Variants in HECTD4 observed in about 807,000 individuals in gnomAD.
The protein encoded by HECTD4 is HECT domain E3 ubiquitin protein ligase 4, also known as probable E3 ubiquitin-protein ligase HECTD4.
A neutral mutation model predicts 471.5 loss-of-function variants in HECTD4; 114 were observed. The ratio of observed to expected loss-of-function variants is 0.24; its 90% CI spans 0.21 to 0.28. HECTD4 has a LOEUF of 0.28. HECTD4 is among the 10% of genes least tolerant of loss of function. The pLI, the probability that HECTD4 is intolerant of heterozygous loss-of-function variation, is 1.00. For missense variants in HECTD4, 3,866 were observed against 5,651.5 expected, an observed-to-expected ratio of 0.68 and a Z score of 10.13; for synonymous variants, 2,012 against 2,256.0, an observed-to-expected ratio of 0.89 and a Z score of 3.07.
intron 13 of HECTD4, among the ~76,000 whole-genome samples, chr12:112,269,140 TG>T (rs1298496888): frequency 6.6e-6 from 1 of 152,090 alleles, no homozygotes; most frequent in African/African-American, 2.4e-5. Context: ...CCCAAAGTGC[TG>T]GGATTACAGG....
chr12:112,254,875 T>A (rs752592892), intron 21 of HECTD4, among the ~76,000 whole-genome samples: 1 of 152,200 alleles, frequency 6.6e-6, no homozygotes, highest in Non-Finnish European at 1.5e-5. Flanking sequence ...AAGACTTCCA[T>A]AGGAAAAATA....
chr12:112,165,553 GTGTTAGCCAGGA>G (rs1206807305), intron 72 of HECTD4, among the ~76,000 whole-genome samples: 72 of 151,642 alleles, frequency 4.7e-4, no homozygotes, highest in African/African-American at 1.6e-3. Context: ...GGGTTTCACT[GTGTTAGCCAGGA>G]TGGTCTCAAT....
intron 67 of HECTD4, among the ~76,000 whole-genome samples, chr12:112,171,833 G>A (rs2031233014): frequency 6.6e-6 from 1 of 152,236 alleles, no homozygotes; most frequent in Non-Finnish European, 1.5e-5. Context: ...TGGGACGAGT[G>A]TAATGAACTG....
intron 48 of HECTD4, among the ~76,000 whole-genome samples, chr12:112,215,169 A>C (rs968552899): frequency 1.3e-5 from 2 of 152,062 alleles, no homozygotes; most frequent in Admixed American, 6.5e-5. Context: ...ACAAACAAAC[A>C]AACAAAAAAC....
At position 112,256,339 on chromosome 12, in the gene HECTD4, G is replaced by A. The variant is rs1236272008; in HGVS notation, c.3308C>T (p.Ser1103Leu). 2 of 1,603,670 alleles carry A rather than the reference G, an allele frequency of 1.2e-6. No homozygotes were observed. Among genetic ancestry groups the A allele is most frequent in the Non-Finnish European group, 8.5e-7 (1 of 1,175,964 alleles). The change falls in exon 21 of 76, where the codon TCG (serine) becomes TTG (leucine). Residue 1103 changes from serine to leucine, a missense_variant. Physicochemically the swap from Ser to Leu is moderately radical, Grantham distance 145 (BLOSUM62 -2). This residue lies in a region of HECTD4 where 281 missense variants were observed against 499.9 expected (regional missense o/e 0.56). Coordinates refer to ENST00000682272, the MANE Select transcript of HECTD4 (RefSeq NM_001388303.1). ...ACTTACTTTGTCATAGTCATATTGC[G>A]AAGAGCATCTGCTATCAAATCTAAG... is the stretch of plus-strand genomic sequence containing the variant. ...LYLRFDSRCS[S>L]QYDYDKLVIY...
At chr12:112,225,620 C>CAAAAAAAAAAAAAAAAAAA (rs781152688) in intron 44 of HECTD4, among the ~76,000 whole-genome samples, 1 of 56,282 alleles carries the variant, frequency 1.8e-5, no homozygotes, top group Non-Finnish European at 3.6e-5. Flanking sequence ...AATTGTAAGG[C>CAAAAAAAAAAAAAAAAAAA]AAAAAAAAAA....
intron 44 of HECTD4, among the ~76,000 whole-genome samples, chr12:112,220,244 T>C (rs1213276118): frequency 1.3e-5 from 2 of 152,094 alleles, no homozygotes; most frequent in Admixed American, 6.5e-5. Context: ...ATCTAATATC[T>C]ATGGAGCACC....
intron 1 of HECTD4, among the ~76,000 whole-genome samples, chr12:112,339,247 G>A (rs1204075915): frequency 6.6e-6 from 1 of 151,242 alleles, no homozygotes; most frequent in Non-Finnish European, 1.5e-5. Context: ...ATGCAGCAGT[G>A]AAAATAAATG....
In HECTD4 at chr12:112,172,872, G is replaced by A; in HGVS notation, c.11595-11C>T. On this transcript the variant is annotated splice_polypyrimidine_tract_variant and intron_variant, in intron 66 of 75. Transcript: ENST00000682272. ...TCGATGCATGCGCACCTTGGGGTGG[G>A]GACAGGGGGAGAGGGGCAAAGTGAG... is the stretch of plus-strand genomic sequence containing the variant. 15 of 1,612,960 alleles carry A rather than the reference G, an allele frequency of 9.3e-6. No homozygotes were observed. The highest frequency in any genetic ancestry group is 1.3e-5 in the Non-Finnish European group (15 of 1,179,116).
rs534079537 is a variant in HECTD4 at position 112,274,724 on chromosome 12, C to A, written c.1801+123G>T. 13 of 661,602 alleles carry A rather than the reference C, an allele frequency of 2.0e-5. No individual in the cohort carries two copies. The East Asian group carries it at 3.6e-4, about 18-fold the overall frequency. 41.0% of individuals were successfully genotyped at this position (661,602 alleles called of 1,614,324 possible). A position where few individuals can be genotyped will look rare whatever the true frequency, so the allele number is the denominator to read the frequency against. ...CTGTCTCAAACAAAACAAAACAAAACAAAACAAAAAACGTCTTTCTTTTCA... is the reference window on the plus strand; with the variant it reads ...CTGTCTCAAACAAAACAAAACAAAAAAAAACAAAAAACGTCTTTCTTTTCA... On this transcript the variant is annotated intron_variant, in intron 10 of 75. Transcript: ENST00000682272.
At chr12:112,324,070 C>CT (rs1208980129) in intron 1 of HECTD4, among the ~76,000 whole-genome samples, 1 of 82,660 alleles carries the variant, frequency 1.2e-5, no homozygotes, top group African/African-American at 7.0e-5. Flanking sequence ...TTCTTTCTTT[C>CT]TTTCTTTCTT....
chr12:112,167,571 G>T, intron 71 of HECTD4, 33 bp from the exon 72 acceptor site: 2 of 1,505,780 alleles, frequency 1.3e-6, no homozygotes, highest in South Asian at 1.3e-5. Context: ...GGTGACCTGG[G>T]CGTGGGCCTC....
chr12:112,183,139 A>G lies in HECTD4; in HGVS notation c.10907T>C (p.Val3636Ala), dbSNP rs752852270. ...AAAGAGACTCTGATTTACTACAGAC[A>G]CGGTTAGAATCTCTTCTGTTGACAT... Reference protein sequence around the residue: ...MEMSTEEILTVSVVNQSLFDT... With the variant: ...MEMSTEEILTASVVNQSLFDT... The change falls in exon 62 of 76, where the codon GTG becomes GCG. Residue 3636 changes from valine to alanine, a missense_variant. Coordinates refer to ENST00000682272, the MANE Select transcript of HECTD4 (RefSeq NM_001388303.1). 1.2e-6 allele frequency: 2 copies of G among 1,613,484 alleles called. No individual in the cohort carries two copies. The highest frequency in any genetic ancestry group is 1.7e-6 in the Non-Finnish European group (2 of 1,179,394).
chr12:112,184,926 T>C lies in HECTD4; in HGVS notation c.10040A>G (p.Lys3347Arg). Reference protein sequence around the residue: ...DPTVLSIGGSKPEDMLWFHRA... With the variant: ...DPTVLSIGGSRPEDMLWFHRA... ...GTGGAACCACAGCATGTCCTCGGGC[T>C]TGCTGCCTCCGATGCTGAGCACGGT... The change falls in exon 61 of 76, where the codon AAG (lysine) becomes AGG (arginine). Residue 3347 changes from lysine to arginine, a missense_variant. By Grantham distance (26) the Lys-to-Arg change is conservative. This residue lies in a region of HECTD4 where 71 missense variants were observed against 144.5 expected (regional missense o/e 0.49). Transcript: ENST00000682272. The surrounding 1 kb of genome is among the most constrained non-coding windows in gnomAD (Gnocchi z 9.1). The C allele has an allele frequency of 2.5e-6, 4 of 1,613,880 alleles. No homozygotes were observed. The highest frequency in any genetic ancestry group is 3.4e-6 in the Non-Finnish European group (4 of 1,179,860).
At position 112,184,156 on chromosome 12, in the gene HECTD4, T is replaced by C. The variant is rs1265229731; in HGVS notation, c.10779+31A>G. 6.5e-7 allele frequency: 1 copy of C among 1,544,780 alleles called. No individual in the cohort carries two copies. Among genetic ancestry groups the C allele is most frequent in the Non-Finnish European group, 8.8e-7 (1 of 1,130,158 alleles). On this transcript the variant is annotated intron_variant, in intron 61 of 75. Transcript: ENST00000682272. The surrounding 1 kb of genome is among the most constrained non-coding windows in gnomAD (Gnocchi z 9.1). Reference sequence around the variant, plus strand: ...TTGGGGGATTGAAATGGGTCATGATTTAGTGGTTGCAGAGGCTTGAAAGCT... The same window carrying C: ...TTGGGGGATTGAAATGGGTCATGATCTAGTGGTTGCAGAGGCTTGAAAGCT...
At chr12:112,164,776 C>T (rs1021514446) in intron 72 of HECTD4, among the ~76,000 whole-genome samples, 1 of 151,748 alleles carries the variant, frequency 6.6e-6, no homozygotes, top group African/African-American at 2.4e-5. Context: ...CGCCCACCAC[C>T]ATGCCTGGTC....
chr12:112,298,184 T>TA (rs1432929472), intron 7 of HECTD4, among the ~76,000 whole-genome samples: 5 of 152,078 alleles, frequency 3.3e-5, no homozygotes, highest in African/African-American at 4.8e-5. Context: ...GCCAAAAAAA[T>TA]AGAGTGCCTT....
chr12:112,343,251 T>C (rs1442722820), intron 1 of HECTD4, among the ~76,000 whole-genome samples: 1 of 152,360 alleles, frequency 6.6e-6, no homozygotes. Flanking sequence ...ATCCTTGATG[T>C]CCCACAGCAC....
chr12:112,378,910 C>A (rs1217081230), intron 1 of HECTD4, among the ~76,000 whole-genome samples: 3 of 152,112 alleles, frequency 2.0e-5, no homozygotes. Flanking sequence ...GGTGTGGCGG[C>A]ATGCGCCTGT....
Sources: gnomAD v4.1 joint callset for allele counts (sites outside exome capture counted in the v4.1 genomes callset) on GRCh38, gnomAD v4.1.1 for gene constraint, gnomAD v4.1.1 regional missense constraint, Gnocchi (gnomAD v3.1) non-coding constraint, MANE v1.5 for transcripts, NCBI Gene and HGNC (gene_info 2026-07-23, HGNC 2026-07-21) for gene names.